The following PRR16 variants were observed in gnomAD, a reference collection of about 807,000 sequenced individuals.
PRR16 encodes proline rich 16, also known as protein Largen.
A neutral mutation model predicts 18.2 loss-of-function variants in PRR16; 6 were observed. That is an observed-to-expected ratio of 0.33 (90% CI 0.18 to 0.65). PRR16 has a LOEUF of 0.65. Ranked by LOEUF, PRR16 falls within the 30% of genes least tolerant of loss-of-function variation. The pLI, the probability that PRR16 is intolerant of heterozygous loss-of-function variation, is 0.74. For missense variants in PRR16, 412 were observed against 376.6 expected (o/e 1.09, Z -0.78); for synonymous variants, 151 against 147.8 (o/e 1.02, Z -0.16).
intron 1 of PRR16, among the ~76,000 whole-genome samples, chr5:120,574,682 A>G (rs1753017950): frequency 6.7e-6 from 1 of 149,180 alleles, no homozygotes; most frequent in Non-Finnish European, 1.5e-5. Flanking sequence ...TTCATTAGTC[A>G]AAGAGAAATG....
At chr5:120,736,605 G>GT in the PRR16 span, among the ~76,000 whole-genome samples, 2 of 106,012 alleles carry the variant, frequency 1.9e-5, no homozygotes, top group Non-Finnish European at 3.7e-5. Flanking sequence ...AATTTTTAGA[G>GT]TTTTTTTCTA....
chr5:120,670,145 T>G (rs1580860502), intron 1 of PRR16, among the ~76,000 whole-genome samples: 1 of 152,174 alleles, frequency 6.6e-6, no homozygotes. Flanking sequence ...AGTTTTCATA[T>G]GTTCATTGCC....
At chr5:120,609,082 G>A (rs1754249730) in intron 1 of PRR16, among the ~76,000 whole-genome samples, 1 of 150,668 alleles carries the variant, frequency 6.6e-6, no homozygotes, top group African/African-American at 2.4e-5. Context: ...AAGAAGAGAT[G>A]TTCTTTTTTT....
chr5:120,528,051 A>G (rs1181548957), intron 1 of PRR16, among the ~76,000 whole-genome samples: 1 of 152,158 alleles, frequency 6.6e-6, no homozygotes, highest in Admixed American at 6.6e-5. Flanking sequence ...TAGAATGGAG[A>G]GGTGTACAGA....
chr5:120,642,372 T>C (rs1395058660), intron 1 of PRR16, among the ~76,000 whole-genome samples: 1 of 152,048 alleles, frequency 6.6e-6, no homozygotes, highest in Admixed American at 6.6e-5. Flanking sequence ...TAAAGTTTAA[T>C]CTGTGGTACA....
At chr5:120,729,926 C>T in the PRR16 span, among the ~76,000 whole-genome samples, 1 of 152,088 alleles carries the variant, frequency 6.6e-6, no homozygotes, top group Non-Finnish European at 1.5e-5. Context: ...AATCTTTGCT[C>T]TGTGGGTCCA....
At chr5:120,722,580 T>G in the PRR16 span, among the ~76,000 whole-genome samples, 13 of 152,008 alleles carry the variant, frequency 8.6e-5, no homozygotes, top group African/African-American at 3.1e-4. Flanking sequence ...AAAATCCCAA[T>G]GTAAAAAAAT....
At chr5:120,475,408 CT>C (rs1205775744) in intron 1 of PRR16, among the ~76,000 whole-genome samples, 2 of 152,060 alleles carry the variant, frequency 1.3e-5, no homozygotes, top group Non-Finnish European at 2.9e-5. Flanking sequence ...TTCTGTCTTA[CT>C]TTTTTTCTTC....
the PRR16 span, among the ~76,000 whole-genome samples, chr5:120,706,136 G>A: frequency 6.6e-6 from 1 of 152,232 alleles, no homozygotes; most frequent in Admixed American, 6.5e-5. Context: ...TATTAGTGAA[G>A]ATGACAATTT....
chr5:120,596,832 G>A (rs1451249058), intron 1 of PRR16, among the ~76,000 whole-genome samples: 1 of 150,876 alleles, frequency 6.6e-6, no homozygotes, highest in Non-Finnish European at 1.5e-5. Context: ...TTAAAATTCT[G>A]TCTGGTTTGT....
intron 1 of PRR16, among the ~76,000 whole-genome samples, chr5:120,579,731 T>C (rs891617293): frequency 6.6e-6 from 1 of 152,250 alleles, no homozygotes; most frequent in Non-Finnish European, 1.5e-5. Flanking sequence ...GGGCCTTCTT[T>C]AATTCCATAT....
At chr5:120,724,828 A>T in the PRR16 span, among the ~76,000 whole-genome samples, 1 of 152,062 alleles carries the variant, frequency 6.6e-6, no homozygotes. Flanking sequence ...AGAGTCTACC[A>T]CATACCAGGC....
the PRR16 span, among the ~76,000 whole-genome samples, chr5:120,787,852 C>A: frequency 6.6e-6 from 1 of 152,066 alleles, no homozygotes; most frequent in Non-Finnish European, 1.5e-5. Flanking sequence ...GTACCATTAG[C>A]ATAAATATCT....
the PRR16 span, among the ~76,000 whole-genome samples, chr5:120,788,781 G>A: frequency 6.6e-6 from 1 of 152,026 alleles, no homozygotes; most frequent in Non-Finnish European, 1.5e-5. Flanking sequence ...AAGCCCTCGA[G>A]TCTCACTGAC....
At chr5:120,527,697 C>T (rs1220546524) in intron 1 of PRR16, among the ~76,000 whole-genome samples, 1 of 152,166 alleles carries the variant, frequency 6.6e-6, no homozygotes, top group Admixed American at 6.6e-5. Context: ...TTTCCTTTTG[C>T]TTTTTGCACT....
intron 1 of PRR16, among the ~76,000 whole-genome samples, chr5:120,468,185 A>C (rs879471667): frequency 3.3e-5 from 5 of 152,166 alleles, no homozygotes; most frequent in African/African-American, 4.8e-5. Context: ...AATAAGCTTA[A>C]AAAGATGAAA....
At chr5:120,707,081 G>A in the PRR16 span, among the ~76,000 whole-genome samples, 1 of 152,278 alleles carries the variant, frequency 6.6e-6, no homozygotes, top group African/African-American at 2.4e-5. Context: ...TCTCAAAGGA[G>A]CAAGGGAAAT....
the PRR16 span, among the ~76,000 whole-genome samples, chr5:120,700,338 C>T: frequency 1.1e-3 from 165 of 151,938 alleles, 3 homozygotes; most frequent in South Asian, 2.5e-3. Context: ...GGGATATTGG[C>T]CTTGAGTGGG....
At chr5:120,705,245 C>A in the PRR16 span, among the ~76,000 whole-genome samples, 9 of 151,920 alleles carry the variant, frequency 5.9e-5, no homozygotes, top group African/African-American at 2.2e-4. Flanking sequence ...GAAAATTATT[C>A]ATTTATAGCT....
Sources: allele counts gnomAD v4.1 joint callset (sites outside exome capture counted in the v4.1 genomes callset), GRCh38; gene constraint gnomAD v4.1.1; transcripts MANE v1.5; gene names NCBI Gene and HGNC (gene_info 2026-07-23, HGNC 2026-07-21).